NBEA: variants seen among roughly 807,000 people sequenced by gnomAD.
NBEA encodes lysosomal-trafficking regulator 2.
In NBEA, 44 loss-of-function variants were observed where a neutral mutation model predicts 343.4. That is an observed-to-expected ratio of 0.13 (90% CI 0.10 to 0.16). The LOEUF is 0.16. Among genes scored for constraint, NBEA ranks in the 10% least tolerant of loss-of-function variants. NBEA has a pLI of 1.00. For missense variants in NBEA, 2,555 were observed against 3,631.3 expected (o/e 0.70, Z 7.62); for synonymous variants, 1,175 against 1,238.7 (o/e 0.95, Z 1.08).
At chr13:35,363,918 C>G (rs2040957607) in intron 38 of NBEA, among the ~76,000 whole-genome samples, 1 of 151,908 alleles carries the variant, frequency 6.6e-6, no homozygotes, top group Non-Finnish European at 1.5e-5. Flanking sequence ...AGGAATGTTG[C>G]TGTCATCCTT....
chr13:35,127,540 A>G (rs2067195130), intron 17 of NBEA, among the ~76,000 whole-genome samples: 1 of 152,232 alleles, frequency 6.6e-6, no homozygotes. Context: ...GGACTGAGAA[A>G]AGAAGGAAAG....
intron 38 of NBEA, among the ~76,000 whole-genome samples, chr13:35,385,968 C>A (rs1253690460): frequency 6.6e-6 from 1 of 151,970 alleles, no homozygotes; most frequent in Non-Finnish European, 1.5e-5. Context: ...TAGAGAGATT[C>A]ACAGTAAATA....
chr13:35,257,107 G>C (rs1171667172), intron 34 of NBEA, among the ~76,000 whole-genome samples: 1 of 152,216 alleles, frequency 6.6e-6, no homozygotes, highest in African/African-American at 2.4e-5. Flanking sequence ...CTTTTTAAAA[G>C]TGTGTGAGAG....
At chr13:35,424,156 G>C (rs1430834897) in intron 38 of NBEA, among the ~76,000 whole-genome samples, 2 of 152,104 alleles carry the variant, frequency 1.3e-5, no homozygotes, top group Non-Finnish European at 2.9e-5. Flanking sequence ...TCTCCTGCCT[G>C]ATTGCCCTGG....
At chr13:35,092,364 T>A (rs1434012639) in intron 10 of NBEA, among the ~76,000 whole-genome samples, 1 of 151,982 alleles carries the variant, frequency 6.6e-6, no homozygotes, top group Non-Finnish European at 1.5e-5. Flanking sequence ...AAAAAAGGGA[T>A]AAATTTCGTT....
chr13:34,979,958 G>T (rs1411590694), intron 1 of NBEA, among the ~76,000 whole-genome samples: 3 of 152,150 alleles, frequency 2.0e-5, no homozygotes, highest in Non-Finnish European at 4.4e-5. Context: ...ACTTGTGGAA[G>T]AGACTTTGCT....
chr13:35,480,744 T>C (rs1232769398), intron 41 of NBEA, among the ~76,000 whole-genome samples: 1 of 152,008 alleles, frequency 6.6e-6, no homozygotes, highest in East Asian at 1.9e-4. Flanking sequence ...TTTCTTTTTT[T>C]ACACTAGAGA....
At chr13:35,092,311 A>T (rs1386998029) in intron 10 of NBEA, among the ~76,000 whole-genome samples, 1 of 152,024 alleles carries the variant, frequency 6.6e-6, no homozygotes. Context: ...GACTTAGGGT[A>T]GGCAAAGCTT....
Position 35,024,990 on chromosome 13 carries a change from C to T in NBEA, c.295-15943C>T, listed in dbSNP as rs532023126. Among the ~76,000 whole-genome samples the T allele has an allele frequency of 4.6e-5, 7 of 152,150 alleles. No homozygotes were observed. The East Asian group carries it at 5.8e-4, about 13-fold the overall frequency. On this transcript the variant is annotated intron_variant, in intron 1 of 58. Transcript: ENST00000379939. ...TGTCTTCTTTTGAGAGGTGTCTGTT[C>T]GTGTCCTTTGCCCATTTCTTAATGG...
rs879195403 is a variant in NBEA, at chr13:35,045,191, G to T, written c.628-115G>T. ...ATGATTTAGTAAATGTTTTGTAAAT[G>T]ATTTAAAATTAATTTTTCTCTCTAG... is the stretch of plus-strand genomic sequence containing the variant. On this transcript the variant is annotated intron_variant, in intron 3 of 58. Coordinates refer to ENST00000379939, the MANE Select transcript of NBEA (RefSeq NM_001385012.1). The T allele has an allele frequency of 3.4e-5, 41 of 1,195,112 alleles. 1 individual carries two copies. The South Asian group carries it at 5.3e-4, about 16-fold the overall frequency. The allele number at this position is 1,195,112 out of a possible 1,614,324, so 74.0% of individuals were successfully genotyped here. A position where few individuals can be genotyped will look rare whatever the true frequency, so the allele number is the denominator to read the frequency against.
chr13:35,380,082 T>A (rs1187559740), intron 38 of NBEA, among the ~76,000 whole-genome samples: 2 of 152,224 alleles, frequency 1.3e-5, no homozygotes, highest in African/African-American at 4.8e-5. Context: ...GCACTTTTGA[T>A]ATGCAAATGG....
chr13:35,289,870 C>T (rs2035689346), intron 34 of NBEA, among the ~76,000 whole-genome samples: 2 of 151,694 alleles, frequency 1.3e-5, no homozygotes, highest in Non-Finnish European at 3.0e-5. Context: ...GTTAATCATA[C>T]ATTTTTTATT....
chr13:35,320,749 G>A (rs908527180), intron 36 of NBEA, among the ~76,000 whole-genome samples: 23 of 152,040 alleles, frequency 1.5e-4, no homozygotes, highest in African/African-American at 5.6e-4. Context: ...ACGTAGGTTT[G>A]GTCTTTTCAC....
chr13:34,985,258 C>G (rs1385485895), intron 1 of NBEA, among the ~76,000 whole-genome samples: 1 of 150,814 alleles, frequency 6.6e-6, no homozygotes, highest in Non-Finnish European at 1.5e-5. Context: ...AAGGCTGTTG[C>G]ATTTTGTTGA....
chr13:35,502,292 C>T (rs377158825), intron 41 of NBEA, among the ~76,000 whole-genome samples: 3 of 151,972 alleles, frequency 2.0e-5, no homozygotes, highest in East Asian at 1.9e-4. Flanking sequence ...GCATATGCTT[C>T]GAACTCAACA....
intron 1 of NBEA, among the ~76,000 whole-genome samples, chr13:35,012,652 G>A (rs558698708): frequency 6.6e-6 from 1 of 152,286 alleles, no homozygotes; most frequent in South Asian, 2.1e-4. Flanking sequence ...TCTAAAGACT[G>A]TGCCACTATT....
intron 35 of NBEA, among the ~76,000 whole-genome samples, chr13:35,306,664 G>T (rs1423209940): frequency 6.6e-6 from 1 of 151,944 alleles, no homozygotes; most frequent in Admixed American, 6.6e-5. Context: ...CATAGGTAGT[G>T]ACTTTGAAAG....
chr13:35,663,664 G>A (rs906770646), intron 55 of NBEA, among the ~76,000 whole-genome samples: 4 of 151,974 alleles, frequency 2.6e-5, no homozygotes, highest in Non-Finnish European at 5.9e-5. Flanking sequence ...GGAAGCCCAG[G>A]GCATCTTTGA....
At chr13:35,315,405 T>C (rs564097542) in intron 36 of NBEA, among the ~76,000 whole-genome samples, 1 of 152,248 alleles carries the variant, frequency 6.6e-6, no homozygotes, top group South Asian at 2.1e-4. Flanking sequence ...ATCTTTATAA[T>C]TAAAACAAAG....
Sources: gnomAD v4.1 joint callset for allele counts (sites outside exome capture counted in the v4.1 genomes callset) on GRCh38, gnomAD v4.1.1 for gene constraint, MANE v1.5 for transcripts, NCBI Gene and HGNC (gene_info 2026-07-23, HGNC 2026-07-21) for gene names.